The following CXADR variants were observed in gnomAD, a reference collection of about 807,000 sequenced individuals.
The protein encoded by CXADR is coxsackievirus and adenovirus receptor.
CXADR carries 20 observed loss-of-function variants against 40.3 expected under a neutral mutation model. That is an observed-to-expected ratio of 0.50 (90% CI 0.35 to 0.72). The LOEUF (loss-of-function observed/expected upper bound fraction) is 0.72, where lower values mean the gene tolerates loss of function less well. CXADR is among the 30% of genes least tolerant of loss of function. The pLI is 0.01. For missense variants in CXADR, 332 were observed against 449.1 expected, an observed-to-expected ratio of 0.74 and a Z score of 2.36; for synonymous variants, 150 against 161.3, an observed-to-expected ratio of 0.93 and a Z score of 0.53.
At chr21:17,628,576 C>T in the CXADR span, among the ~76,000 whole-genome samples, 1 of 152,116 alleles carries the variant, frequency 6.6e-6, no homozygotes, top group Non-Finnish European at 1.5e-5. Context: ...TCTCGGCTCA[C>T]TGCAACCTCT....
chr21:17,528,884 C>T (rs1241800495), intron 1 of CXADR, among the ~76,000 whole-genome samples: 4 of 152,102 alleles, frequency 2.6e-5, no homozygotes, highest in African/African-American at 7.2e-5. Context: ...ACCAGAATTT[C>T]GTCACTAGTC....
At chr21:17,534,069 T>TATAC (rs1555864996) in intron 1 of CXADR, among the ~76,000 whole-genome samples, 1,086 of 99,492 alleles carry the variant, frequency 0.011, 44 homozygotes, top group African/African-American at 0.043. Context: ...GCTATATATA[T>TATAC]ACACACACAC....
At chr21:17,587,095 C>T (rs375531506) in intron 7 of CXADR, among the ~76,000 whole-genome samples, 16 of 152,206 alleles carry the variant, frequency 1.1e-4, no homozygotes, top group South Asian at 4.1e-4. Context: ...TGCATAGTAT[C>T]CCATGGTGTA....
rs35020228 is a variant in CXADR at position 17,563,940 on chromosome 21, C to CAAAAAAAA, written c.834-1474_834-1467dup. On this transcript the variant is annotated intron_variant, in intron 6 of 6. Coordinates refer to ENST00000284878, the MANE Select transcript of CXADR (RefSeq NM_001338.5). The stretch of plus-strand genomic sequence containing the variant: ...TGGGCAACAGAGCAAGACTCTGTCT[C>CAAAAAAAA]AAAAAAAAAAAAAAAAAAAAAGGTA... Among the ~76,000 whole-genome samples, 81 of 37,190 alleles carry CAAAAAAAA rather than the reference C, an allele frequency of 2.2e-3. 4 individuals are homozygous for CAAAAAAAA. Among genetic ancestry groups the CAAAAAAAA allele is most frequent in the African/African-American group, 3.9e-3 (51 of 13,056 alleles). The allele number at this position is 37,190 out of a possible 152,430, so 24.4% of individuals were successfully genotyped here.
chr21:17,555,357 C>T (rs558476091), intron 3 of CXADR, among the ~76,000 whole-genome samples: 2 of 152,264 alleles, frequency 1.3e-5, no homozygotes, highest in South Asian at 2.1e-4. Flanking sequence ...ATACTGGGCA[C>T]GGCCCCTCAC....
the CXADR span, among the ~76,000 whole-genome samples, chr21:17,631,013 T>G: frequency 6.6e-6 from 1 of 152,158 alleles, no homozygotes; most frequent in African/African-American, 2.4e-5. Flanking sequence ...CTGGCTTCCT[T>G]GTACTTACCA....
chr21:17,544,061 TA>T (rs2060862870), intron 1 of CXADR, among the ~76,000 whole-genome samples: 1 of 152,128 alleles, frequency 6.6e-6, no homozygotes, highest in South Asian at 2.1e-4. Context: ...AGTTTCACCA[TA>T]AAATTTATAG....
At chr21:17,524,975 T>G (rs1226421010) in intron 1 of CXADR, among the ~76,000 whole-genome samples, 1 of 152,172 alleles carries the variant, frequency 6.6e-6, no homozygotes, top group Non-Finnish European at 1.5e-5. Flanking sequence ...GTTTTTGTAG[T>G]TTATTTCAGT....
chr21:17,565,494 A>T lies in CXADR; in HGVS notation c.900A>T (p.Ser300=). The T allele has an allele frequency of 6.2e-7, 1 of 1,613,966 alleles. No individual in the cohort carries two copies. Among genetic ancestry groups the T allele is most frequent in the Non-Finnish European group, 8.5e-7 (1 of 1,179,846 alleles). ...GAAGCTACATCGGCAGTAATCATTC[A>T]TCCCTGGGGTCCATGTCTCCTTCCA... ...TARSYIGSNH[S]SLGSMSPSNM... The change falls in exon 7 of 7, where the codon TCA becomes TCT. Residue 300 remains serine (S), a synonymous_variant. Coordinates refer to ENST00000284878, the MANE Select transcript of CXADR (RefSeq NM_001338.5).
chr21:17,588,942 T>C (rs1452790210), intron 7 of CXADR, among the ~76,000 whole-genome samples: 3 of 152,206 alleles, frequency 2.0e-5, no homozygotes, highest in South Asian at 4.1e-4. Context: ...ATTCTTCTAT[T>C]CAGTTTTTGT....
At chr21:17,589,741 T>C (rs1183088470) in intron 7 of CXADR, among the ~76,000 whole-genome samples, 1 of 152,058 alleles carries the variant, frequency 6.6e-6, no homozygotes, top group Admixed American at 6.6e-5. Context: ...TGAACACTTA[T>C]TACGTAGGTA....
chr21:17,604,170 G>A, the CXADR span: 14 of 1,274,204 alleles, frequency 1.1e-5, no homozygotes, highest in Middle Eastern at 2.3e-4. Flanking sequence ...GAGGCCGGGC[G>A]CAGTGGCTCA....
chr21:17,556,931 A>G (rs981976227), intron 3 of CXADR, among the ~76,000 whole-genome samples: 14 of 152,190 alleles, frequency 9.2e-5, no homozygotes, highest in Non-Finnish European at 2.1e-4. Flanking sequence ...CAATTTGACA[A>G]TTTCTTACAG....
chr21:17,589,342 G>A (rs1210590490), intron 7 of CXADR, among the ~76,000 whole-genome samples: 1 of 152,046 alleles, frequency 6.6e-6, no homozygotes, highest in African/African-American at 2.4e-5. Flanking sequence ...ATCACTGATG[G>A]CAGCATTTGC....
chr21:17,619,475 G>T, the CXADR span, among the ~76,000 whole-genome samples: 1 of 152,112 alleles, frequency 6.6e-6, no homozygotes, highest in African/African-American at 2.4e-5. Flanking sequence ...TGTAATCCCA[G>T]CTACACAGGG....
At chr21:17,520,946 T>TA (rs943200387) in intron 1 of CXADR, among the ~76,000 whole-genome samples, 1 of 151,744 alleles carries the variant, frequency 6.6e-6, no homozygotes. Flanking sequence ...GGCAAGGAGG[T>TA]AAAAAAATAT....
At chr21:17,588,626 T>C (rs1215664197) in intron 7 of CXADR, among the ~76,000 whole-genome samples, 4 of 152,184 alleles carry the variant, frequency 2.6e-5, no homozygotes, top group African/African-American at 9.7e-5. Context: ...CAAACTTCTG[T>C]ATATAAATGT....
At chr21:17,559,483 C>G (rs994311141) in intron 4 of CXADR, among the ~76,000 whole-genome samples, 6 of 151,784 alleles carry the variant, frequency 4.0e-5, no homozygotes, top group African/African-American at 1.5e-4. Context: ...AGGCATGTGC[C>G]CAGCCTGCTT....
intron 1 of CXADR, among the ~76,000 whole-genome samples, chr21:17,545,820 C>T (rs2849895): frequency 0.022 from 3,202 of 145,900 alleles, 57 homozygotes; most frequent in South Asian, 0.037. Flanking sequence ...ACTGTTATTG[C>T]CCAGGCTGGA....
Sources: allele counts gnomAD v4.1 joint callset (sites outside exome capture counted in the v4.1 genomes callset), GRCh38; gene constraint gnomAD v4.1.1; transcripts MANE v1.5; gene names NCBI Gene and HGNC (gene_info 2026-07-23, HGNC 2026-07-21).